PTPRK: variants seen among roughly 807,000 people sequenced by gnomAD.
PTPRK encodes the protein receptor-type tyrosine-protein phosphatase kappa.
PTPRK carries 75 observed loss-of-function variants against 178.0 expected under a neutral mutation model. That is an observed-to-expected ratio of 0.42 (90% confidence interval 0.35 to 0.51). PTPRK has a LOEUF of 0.51. Among genes scored for constraint, PTPRK ranks in the 20% least tolerant of loss-of-function variants. The pLI is 0.02. For synonymous variants in PTPRK, 637 were observed against 620.6 expected (o/e 1.03, Z -0.39); for missense variants, 1,441 against 1,797.8 (o/e 0.80, Z 3.59).
At chr6:128,474,493 T>C (rs1188061712) in intron 1 of PTPRK, among the ~76,000 whole-genome samples, 2 of 152,016 alleles carry the variant, frequency 1.3e-5, no homozygotes, top group African/African-American at 4.8e-5. Context: ...ACTGAATAAA[T>C]GGCAAGGAGT....
At chr6:128,480,494 T>C (rs1851938781) in intron 1 of PTPRK, among the ~76,000 whole-genome samples, 1 of 152,146 alleles carries the variant, frequency 6.6e-6, no homozygotes, top group African/African-American at 2.4e-5. Flanking sequence ...GCTCTATCCA[T>C]TCCTCTTCAA....
chr6:128,370,323 AT>A (rs1434297264), intron 2 of PTPRK, among the ~76,000 whole-genome samples: 6 of 152,190 alleles, frequency 3.9e-5, no homozygotes, highest in African/African-American at 1.4e-4. Flanking sequence ...TGAGGAAAAG[AT>A]TTTGGAAGGT....
intron 11 of PTPRK, among the ~76,000 whole-genome samples, chr6:128,071,254 G>A (rs58403117): frequency 0.08 from 12,167 of 151,854 alleles, 1,708 homozygotes; most frequent in African/African-American, 0.28. Flanking sequence ...AAACTAAAAT[G>A]TATACTTTCT....
At chr6:127,978,735 G>C (rs1774903586) in intron 25 of PTPRK, among the ~76,000 whole-genome samples, 1 of 152,172 alleles carries the variant, frequency 6.6e-6, no homozygotes, top group South Asian at 2.1e-4. Context: ...GAGCTGATAA[G>C]AGAGGAGAAG....
intron 7 of PTPRK, among the ~76,000 whole-genome samples, chr6:128,097,188 C>G: frequency 6.6e-6 from 1 of 152,122 alleles, no homozygotes; most frequent in East Asian, 1.9e-4. Context: ...CAACTGTCAG[C>G]TCTTTAGGCT....
chr6:128,356,978 C>T (rs1420452854), intron 2 of PTPRK, among the ~76,000 whole-genome samples: 3 of 151,958 alleles, frequency 2.0e-5, no homozygotes, highest in African/African-American at 7.3e-5. Context: ...ATATAAATTC[C>T]AAAACTTTAC....
intron 1 of PTPRK, among the ~76,000 whole-genome samples, chr6:128,407,277 C>A (rs762364730): frequency 6.6e-6 from 1 of 152,070 alleles, no homozygotes; most frequent in South Asian, 2.1e-4. Flanking sequence ...ATCAGAAGTT[C>A]GTGGTTCCTA....
intron 5 of PTPRK, chr6:128,232,117 T>C (rs971852298): frequency 5.9e-5 from 9 of 152,204 alleles, no homozygotes; most frequent in African/African-American, 2.2e-4. Flanking sequence ...AACCTTCCAC[T>C]TCAGTAAGAT....
At chr6:128,285,708 G>A (rs1822386530) in intron 3 of PTPRK, among the ~76,000 whole-genome samples, 1 of 151,944 alleles carries the variant, frequency 6.6e-6, no homozygotes, top group Non-Finnish European at 1.5e-5. Context: ...GGGAGGCTGA[G>A]ACAGGAGAAT....
intron 11 of PTPRK, among the ~76,000 whole-genome samples, chr6:128,071,901 T>C (rs2114959936): frequency 6.6e-6 from 1 of 152,186 alleles, no homozygotes; most frequent in African/African-American, 2.4e-5. Flanking sequence ...CTTGTTATTT[T>C]CTTATTTATC....
chr6:128,352,645 T>G (rs1318985486), intron 2 of PTPRK, among the ~76,000 whole-genome samples: 1 of 152,170 alleles, frequency 6.6e-6, no homozygotes, highest in Non-Finnish European at 1.5e-5. Context: ...TCCCTCTGCA[T>G]GGAGGACCAC....
At chr6:128,090,081 G>T in intron 7 of PTPRK, 89 bp from the exon 8 acceptor site, 1 of 1,020,996 alleles carries the variant, frequency 9.8e-7, no homozygotes, top group Non-Finnish European at 1.4e-6. Flanking sequence ...TATAGCATAT[G>T]CAAATCTAGA....
chr6:127,973,680 T>C lies in PTPRK; in HGVS notation c.4117A>G (p.Thr1373Ala), dbSNP rs1219126507. The part of the protein sequence containing the change: ...QEECEEGEGR[T>A]IIHCLNGGGR... ...CCTACTCACAGGCAGTGGATAATCG[T>C]CCGGCCTTCCCCTTCCTCGCATTCC... is the stretch of plus-strand genomic sequence containing the variant. Residue 1373 changes from threonine (T) to alanine (A), a missense_variant, in exon 28 of 30, where the codon ACG becomes GCG. Thr to Ala is a moderately conservative substitution (Grantham distance 58). Coordinates refer to ENST00000368226, the MANE Select transcript of PTPRK (RefSeq NM_002844.4). 2.5e-6 allele frequency: 4 copies of C among 1,613,730 alleles called. No individual in the cohort carries two copies. The East Asian group carries it at 6.7e-5, about 27-fold the overall frequency.
intron 7 of PTPRK, among the ~76,000 whole-genome samples, chr6:128,163,400 C>T (rs758362362): frequency 1.3e-4 from 19 of 151,282 alleles, no homozygotes; most frequent in Non-Finnish European, 1.5e-4. Flanking sequence ...AAACATGTTA[C>T]AAGATGAACT....
intron 3 of PTPRK, among the ~76,000 whole-genome samples, chr6:128,293,944 T>A (rs748821155): frequency 6.6e-6 from 1 of 152,088 alleles, no homozygotes; most frequent in Non-Finnish European, 1.5e-5. Flanking sequence ...CAGTAACGCA[T>A]ATGACAGAAT....
chr6:128,298,282 C>T (rs948244150), intron 3 of PTPRK, among the ~76,000 whole-genome samples: 1 of 152,018 alleles, frequency 6.6e-6, no homozygotes, highest in African/African-American at 2.4e-5. Context: ...GGATTCACAG[C>T]CGAATTCTAC....
chr6:127,996,638 T>C (rs988282162), intron 17 of PTPRK, among the ~76,000 whole-genome samples: 1 of 152,094 alleles, frequency 6.6e-6, no homozygotes, highest in African/African-American at 2.4e-5. Flanking sequence ...AGCCAGCTGA[T>C]TTTTGTATTT....
intron 2 of PTPRK, among the ~76,000 whole-genome samples, chr6:128,338,217 T>A (rs1313292538): frequency 6.6e-6 from 1 of 152,138 alleles, no homozygotes; most frequent in Non-Finnish European, 1.5e-5. Context: ...ACCAGGAAGA[T>A]AGTAGCTGTG....
chr6:128,046,280 T>G (rs1242263425), intron 13 of PTPRK, among the ~76,000 whole-genome samples: 3 of 152,192 alleles, frequency 2.0e-5, no homozygotes, highest in Non-Finnish European at 1.5e-5. Context: ...AACTTGTGCA[T>G]AGATCCAACA....
Sources: allele counts gnomAD v4.1 joint callset (sites outside exome capture counted in the v4.1 genomes callset), GRCh38; gene constraint gnomAD v4.1.1; transcripts MANE v1.5; gene names NCBI Gene and HGNC (gene_info 2026-07-23, HGNC 2026-07-21).